RAPGEF5: variants seen among roughly 807,000 people sequenced by gnomAD.
RAPGEF5 encodes M-Ras-regulated GEF.
In RAPGEF5, 65 loss-of-function variants were observed where a neutral mutation model predicts 125.2. That is an observed-to-expected ratio of 0.52 (90% confidence interval 0.43 to 0.64). RAPGEF5 has a LOEUF of 0.64. RAPGEF5 is among the 30% of genes least tolerant of loss of function. The pLI is 0.00. For synonymous variants in RAPGEF5, 391 were observed against 385.9 expected, an observed-to-expected ratio of 1.01 and a Z score of -0.16; for missense variants, 958 against 1,048.1, an observed-to-expected ratio of 0.91 and a Z score of 1.19.
At chr7:22,174,483 G>A (rs975495645) in intron 11 of RAPGEF5, among the ~76,000 whole-genome samples, 2 of 152,148 alleles carry the variant, frequency 1.3e-5, no homozygotes, top group South Asian at 2.1e-4. Flanking sequence ...CTTTATGCAG[G>A]AGGCACTCTC....
chr7:22,291,161 T>C lies in RAPGEF5; in HGVS notation c.747+14A>G. 7 of 1,573,996 alleles carry C rather than the reference T, an allele frequency of 4.4e-6. No homozygotes were observed. Among genetic ancestry groups the C allele is most frequent in the Non-Finnish European group, 6.0e-6 (7 of 1,163,042 alleles). The stretch of plus-strand genomic sequence containing the variant: ...ATTTCTGCACCCCTAGGCAGGAAAA[T>C]TGCATGGTCTTACCGCAGATGTTAG... On this transcript the variant is annotated intron_variant, in intron 6 of 25. Transcript: ENST00000665637.
rs202092386 is a variant in RAPGEF5, at chr7:22,290,516, C to A, written c.747+659G>T. Reference sequence around the variant, plus strand: ...ATCCCAGCACTTTGGGAGGCTGAGGCGGGCGGATCACAAGGTCAGGAGATC... The same window carrying A: ...ATCCCAGCACTTTGGGAGGCTGAGGAGGGCGGATCACAAGGTCAGGAGATC... On this transcript the variant is annotated intron_variant, in intron 6 of 25. Transcript: ENST00000665637. Among the ~76,000 whole-genome samples the A allele has an allele frequency of 9.2e-5, 14 of 152,226 alleles. No individual in the cohort carries two copies. The East Asian group carries it at 2.3e-3, about 25-fold the overall frequency.
At chr7:22,156,462 T>C (rs747380639) in intron 16 of RAPGEF5, among the ~76,000 whole-genome samples, 4 of 152,088 alleles carry the variant, frequency 2.6e-5, no homozygotes, top group Non-Finnish European at 4.4e-5. Flanking sequence ...CAGTTAGTCA[T>C]AGACAATGGG....
chr7:22,299,842 A>C (rs1459412821), intron 5 of RAPGEF5, among the ~76,000 whole-genome samples: 1 of 151,864 alleles, frequency 6.6e-6, no homozygotes, highest in Non-Finnish European at 1.5e-5. Flanking sequence ...TTCTAACATA[A>C]AACCTCTAAT....
At chr7:22,238,471 C>A (rs750706019) in intron 7 of RAPGEF5, among the ~76,000 whole-genome samples, 7 of 152,162 alleles carry the variant, frequency 4.6e-5, no homozygotes, top group Non-Finnish European at 8.8e-5. Flanking sequence ...ACACCCCATG[C>A]GTGATCTGGT....
intron 1 of RAPGEF5, among the ~76,000 whole-genome samples, chr7:22,327,935 G>A (rs754884573): frequency 3.9e-5 from 6 of 152,136 alleles, no homozygotes; most frequent in African/African-American, 1.4e-4. Context: ...ATTATATAAA[G>A]AGCTTAGAAC....
At chr7:22,352,032 A>T (rs1227035180) in intron 1 of RAPGEF5, among the ~76,000 whole-genome samples, 1 of 152,226 alleles carries the variant, frequency 6.6e-6, no homozygotes, top group Non-Finnish European at 1.5e-5. Context: ...AAAGAGAATT[A>T]GGCCCTTCTG....
At chr7:22,170,182 G>C (rs1346644012) in intron 11 of RAPGEF5, among the ~76,000 whole-genome samples, 4 of 152,146 alleles carry the variant, frequency 2.6e-5, no homozygotes, top group Admixed American at 6.6e-5. Context: ...AGCCTCCCAA[G>C]TAGCTGGGAC....
rs138170657 is a variant in RAPGEF5, at chr7:22,287,672, A to G, written c.747+3503T>C. On this transcript the variant is annotated intron_variant, in intron 6 of 25. Transcript: ENST00000665637. ...TGATTAGGGGTCACAGTAGATGAGAACTGTTCCCTGAGTGATATAGGTAAA... is the reference window on the plus strand; with the variant it reads ...TGATTAGGGGTCACAGTAGATGAGAGCTGTTCCCTGAGTGATATAGGTAAA... Among the ~76,000 whole-genome samples, 21 of 152,262 alleles carry G rather than the reference A, an allele frequency of 1.4e-4. 1 individual carries two copies. The highest frequency in any genetic ancestry group is 5.1e-4 in the African/African-American group (21 of 41,544).
chr7:22,324,777 T>C (rs927634631), intron 1 of RAPGEF5, among the ~76,000 whole-genome samples: 1 of 152,154 alleles, frequency 6.6e-6, no homozygotes, highest in African/African-American at 2.4e-5. Flanking sequence ...CCCACTCAGG[T>C]CTCTGGCATC....
chr7:22,308,307 G>A (rs1414052599), intron 5 of RAPGEF5, 32 bp downstream of exon 5: 2 of 1,550,506 alleles, frequency 1.3e-6, no homozygotes, highest in Admixed American at 3.9e-5. Flanking sequence ...CTAAGTGTAA[G>A]AATACAATGG....
At chr7:22,329,762 T>C (rs1783878793) in intron 1 of RAPGEF5, among the ~76,000 whole-genome samples, 2 of 152,304 alleles carry the variant, frequency 1.3e-5, no homozygotes, top group South Asian at 4.2e-4. Context: ...ATCCAGCCCA[T>C]GCTGAGGTCC....
intron 1 of RAPGEF5, among the ~76,000 whole-genome samples, chr7:22,339,585 AAG>A (rs1290538928): frequency 1.3e-5 from 2 of 152,216 alleles, no homozygotes; most frequent in African/African-American, 4.8e-5. Flanking sequence ...GGAAATGCAA[AAG>A]AGGGTGACTG....
chr7:22,150,334 A>G, intron 18 of RAPGEF5, 73 bp downstream of exon 18: 2 of 1,473,744 alleles, frequency 1.4e-6, no homozygotes, highest in Non-Finnish European at 1.8e-6. Context: ...TGGCCTCCCA[A>G]AGTGCTCAGA....
intron 1 of RAPGEF5, among the ~76,000 whole-genome samples, chr7:22,329,811 A>T (rs1235357343): frequency 6.6e-6 from 1 of 152,168 alleles, no homozygotes; most frequent in East Asian, 1.9e-4. Flanking sequence ...AGGTAAAAGA[A>T]CACTCAGGGG....
intron 1 of RAPGEF5, among the ~76,000 whole-genome samples, chr7:22,328,067 A>C (rs1332765120): frequency 3.9e-5 from 6 of 152,212 alleles, no homozygotes; most frequent in Admixed American, 2.0e-4. Context: ...ACTAGACCGT[A>C]AGCTTTTCAA....
chr7:22,242,947 C>CAA (rs537954162), intron 7 of RAPGEF5, among the ~76,000 whole-genome samples: 42 of 65,702 alleles, frequency 6.4e-4, no homozygotes, highest in South Asian at 2.3e-3. Flanking sequence ...AACTCCGTCT[C>CAA]AAAAAAAAAA....
chr7:22,180,217 CT>C (rs1305751618), intron 11 of RAPGEF5, among the ~76,000 whole-genome samples: 1 of 152,154 alleles, frequency 6.6e-6, no homozygotes, highest in East Asian at 1.9e-4. Context: ...ACATAAGCTT[CT>C]ATTTACAAAA....
At position 22,254,603 on chromosome 7, in the gene RAPGEF5, C is replaced by T. The variant is rs548311637; in HGVS notation, c.796+12361G>A. On this transcript the variant is annotated intron_variant, in intron 7 of 25. Transcript: ENST00000665637. ...AGCCTGGGTGACAAGAGCAAAACTC[C>T]GTCTCAAAAAAAAAAAAAAAAAAAA... Among the ~76,000 whole-genome samples the T allele has an allele frequency of 1.6e-3, 203 of 130,482 alleles. 4 individuals are homozygous for T. The highest frequency in any genetic ancestry group is 1.5e-3 in the East Asian group (6 of 4,060). 85.6% of individuals were successfully genotyped at this position (130,482 alleles called of 152,430 possible).
Sources: allele counts gnomAD v4.1 joint callset (sites outside exome capture counted in the v4.1 genomes callset), GRCh38; gene constraint gnomAD v4.1.1; transcripts MANE v1.5; gene names NCBI Gene and HGNC (gene_info 2026-07-23, HGNC 2026-07-21).